Variants in GABRG3 observed in about 807,000 individuals in gnomAD.
GABRG3 encodes the protein gamma-aminobutyric acid receptor subunit gamma-3.
In GABRG3, 25 loss-of-function variants were observed where a neutral mutation model predicts 48.8. The observed-to-expected ratio is 0.51, with a 90% CI of 0.37 to 0.72. The LOEUF is 0.72. GABRG3 is among the 30% of genes least tolerant of loss of function. The probability of loss-of-function intolerance (pLI) is 0.00; values close to 1 mark genes in which losing one functional copy is unlikely to be tolerated. For synonymous variants in GABRG3, 227 were observed against 217.6 expected, an observed-to-expected ratio of 1.04 and a Z score of -0.38; for missense variants, 394 against 577.9, an observed-to-expected ratio of 0.68 and a Z score of 3.26.
rs745566650 is a variant in GABRG3, at chr15:27,034,844, C to T, written c.270+8023C>T. On this transcript the variant is annotated intron_variant, in intron 3 of 9. Coordinates refer to ENST00000615808, the MANE Select transcript of GABRG3 (RefSeq NM_033223.5). ...CTGCTAGTCTGTTTTTGTGTGTGAACACATCCTGCTCTACATGCCTGTACA... is the reference window on the plus strand; with the variant it reads ...CTGCTAGTCTGTTTTTGTGTGTGAATACATCCTGCTCTACATGCCTGTACA... Among the ~76,000 whole-genome samples, 59 of 152,216 alleles carry T rather than the reference C, an allele frequency of 3.9e-4. 1 individual carries two copies. Among genetic ancestry groups the T allele is most frequent in the Non-Finnish European group, 1.5e-4 (10 of 68,042 alleles).
intron 8 of GABRG3, 61 bp from the exon 9 acceptor site, chr15:27,527,872 G>T: frequency 7.4e-7 from 1 of 1,353,736 alleles, no homozygotes; most frequent in African/African-American, 1.4e-5. Flanking sequence ...GCTCTTAAGA[G>T]TGATCTTGGA....
chr15:27,329,450 AG>A (rs1893732205), intron 5 of GABRG3, among the ~76,000 whole-genome samples: 1 of 152,024 alleles, frequency 6.6e-6, no homozygotes, highest in African/African-American at 2.4e-5. Flanking sequence ...TTTTTAGTAG[AG>A]ACAGGGTTTC....
intron 5 of GABRG3, among the ~76,000 whole-genome samples, chr15:27,344,945 A>C (rs1894316404): frequency 6.6e-6 from 1 of 152,158 alleles, no homozygotes; most frequent in South Asian, 2.1e-4. Context: ...TTATTGTGTA[A>C]GGCCACTATC....
intron 2 of GABRG3, among the ~76,000 whole-genome samples, chr15:26,991,241 T>A (rs1193854441): frequency 1.3e-5 from 2 of 152,210 alleles, no homozygotes; most frequent in Non-Finnish European, 2.9e-5. Context: ...GTGTATGGAT[T>A]TGTTTCCAGG....
rs1895374935 is a variant in GABRG3, at chr15:26,998,151, C to T, written c.202+21001C>T. ...ATTCCAGGAGAGCTTTTTGTGATTGCTTCTTTCTCTGGTTCTGTCTGTTAA... is the reference window on the plus strand; with the variant it reads ...ATTCCAGGAGAGCTTTTTGTGATTGTTTCTTTCTCTGGTTCTGTCTGTTAA... On this transcript the variant is annotated intron_variant, in intron 2 of 9. Coordinates refer to ENST00000615808, the MANE Select transcript of GABRG3 (RefSeq NM_033223.5). Among the ~76,000 whole-genome samples, 3 of 152,150 alleles carry T rather than the reference C, an allele frequency of 2.0e-5. No individual in the cohort carries two copies. The South Asian group carries it at 6.2e-4, about 32-fold the overall frequency.
At chr15:27,049,038 A>G (rs904717592) in intron 3 of GABRG3, among the ~76,000 whole-genome samples, 8 of 152,352 alleles carry the variant, frequency 5.3e-5, no homozygotes, top group Admixed American at 1.3e-4. Context: ...CTCGGACACT[A>G]GAGAAAGATG....
chr15:27,223,715 C>G (rs931177068), intron 3 of GABRG3, among the ~76,000 whole-genome samples: 1 of 152,066 alleles, frequency 6.6e-6, no homozygotes, highest in Admixed American at 6.6e-5. Context: ...AGTACCTTGT[C>G]CCCCGTGCCA....
rs901444249 is a variant in GABRG3 at position 27,319,676 on chromosome 15, G to A, written c.271-7133G>A. On this transcript the variant is annotated intron_variant, in intron 3 of 9. Transcript: ENST00000615808. This position sits in a 1 kb window ranked among gnomAD's most constrained non-coding sequence, Gnocchi z 4.4. ...GGCGTGGGCAGAGCACAAATGGGATGGGGAGGAAGGGAGGTCTGTGCCGGG... is the reference window on the plus strand; with the variant it reads ...GGCGTGGGCAGAGCACAAATGGGATAGGGAGGAAGGGAGGTCTGTGCCGGG... Among the ~76,000 whole-genome samples the A allele has an allele frequency of 6.6e-6, 1 of 152,120 alleles. No homozygotes were observed. The highest frequency in any genetic ancestry group is 2.4e-5 in the African/African-American group (1 of 41,416).
chr15:27,094,962 T>C (rs1897247609), intron 3 of GABRG3, among the ~76,000 whole-genome samples: 1 of 152,126 alleles, frequency 6.6e-6, no homozygotes, highest in African/African-American at 2.4e-5. Context: ...ACAAGACACA[T>C]AATTATCTGT....
chr15:27,252,697 C>T (rs114396835), intron 3 of GABRG3, among the ~76,000 whole-genome samples: 2,771 of 152,314 alleles, frequency 0.018, 79 homozygotes, highest in African/African-American at 0.064. Flanking sequence ...GCACCTCCCA[C>T]CTGCAGGTCT....
At chr15:27,323,985 G>A (rs193125424) in intron 3 of GABRG3, among the ~76,000 whole-genome samples, 37 of 152,276 alleles carry the variant, frequency 2.4e-4, no homozygotes, top group Middle Eastern at 3.4e-3. Context: ...TCACTTCATC[G>A]TGAGTGATGT....
chr15:27,225,582 T>C (rs565846552), intron 3 of GABRG3, among the ~76,000 whole-genome samples: 26 of 152,264 alleles, frequency 1.7e-4, no homozygotes, highest in Admixed American at 1.4e-3. Context: ...ATTCCCTCTA[T>C]GCTTCCCACC....
Position 27,218,613 on chromosome 15 carries a change from G to A in GABRG3, c.271-108196G>A, listed in dbSNP as rs115954114. Among the ~76,000 whole-genome samples the A allele has an allele frequency of 4.7e-3, 712 of 152,246 alleles. 6 individuals carry two copies. Among genetic ancestry groups the A allele is most frequent in the African/African-American group, 0.015 (638 of 41,542 alleles). On this transcript the variant is annotated intron_variant, in intron 3 of 9. Coordinates refer to ENST00000615808, the MANE Select transcript of GABRG3 (RefSeq NM_033223.5). ...CATCTGTCTGACTCAGTTGAGTGTG[G>A]TGTCCTGGCTGGATGCCTCCTGTCC...
intron 3 of GABRG3, among the ~76,000 whole-genome samples, chr15:27,046,663 C>T (rs1896371004): frequency 6.6e-6 from 1 of 152,202 alleles, no homozygotes; most frequent in African/African-American, 2.4e-5. Context: ...TCATTAAACT[C>T]CAGTTTCAAA....
rs535295684 is a variant in GABRG3, at chr15:27,348,155, C to CAAAAAAAAAAAAAAAAAAAA, written c.574+19270_574+19271insAAAAAAAAAAAAAAAAAAAA. 2.7e-3 allele frequency among the ~76,000 whole-genome samples: 278 copies of CAAAAAAAAAAAAAAAAAAAA among 102,920 alleles called. 52 individuals are homozygous for CAAAAAAAAAAAAAAAAAAAA. The highest frequency in any genetic ancestry group is 0.012 in the African/African-American group (262 of 21,904). 67.5% of individuals were successfully genotyped at this position (102,920 alleles called of 152,430 possible). On this transcript the variant is annotated intron_variant, in intron 5 of 9. Transcript: ENST00000615808. ...TGGGTGACAGAGCGAGACTCCATCT[C>CAAAAAAAAAAAAAAAAAAAA]AAATAAATAAAGAGTTGGAGATTTT...
At chr15:27,130,097 G>A (rs578212137) in intron 3 of GABRG3, among the ~76,000 whole-genome samples, 1 of 152,098 alleles carries the variant, frequency 6.6e-6, no homozygotes, top group East Asian at 1.9e-4. Flanking sequence ...TGTTGCTTGT[G>A]TTCTTGTGTC....
rs776977040 is a variant in GABRG3 at position 27,270,954 on chromosome 15, C to A, written c.271-55855C>A. ...TATAAGGGGAATGGATTAACTCAGG[C>A]CATTCTTTGGGGGAATGGGTGGCCA... On this transcript the variant is annotated intron_variant, in intron 3 of 9. Coordinates refer to ENST00000615808, the MANE Select transcript of GABRG3 (RefSeq NM_033223.5). 2.6e-4 allele frequency among the ~76,000 whole-genome samples: 40 copies of A among 152,274 alleles called. No individual in the cohort carries two copies. In the Middle Eastern group the frequency reaches 0.01, roughly 39 times the overall value.
At chr15:27,185,606 G>A (rs796098320) in intron 3 of GABRG3, among the ~76,000 whole-genome samples, 1 of 152,078 alleles carries the variant, frequency 6.6e-6, no homozygotes, top group African/African-American at 2.4e-5. Context: ...CTGTCTAATG[G>A]TTCTGTCAGT....
At position 27,208,407 on chromosome 15, in the gene GABRG3, A is replaced by T. The variant is rs181106590; in HGVS notation, c.271-118402A>T. 524 of 220,338 alleles carry T rather than the reference A, an allele frequency of 2.4e-3. 2 individuals carry two copies. Among genetic ancestry groups the T allele is most frequent in the African/African-American group, 0.011 (478 of 43,318 alleles). The allele number at this position is 220,338 out of a possible 1,614,324, so 13.6% of individuals were successfully genotyped here. ...AGGTAGGTGATGCCAGAGTCCTTGG[A>T]GAAGTTGGCATTGTTTATGTGCATG... On this transcript the variant is annotated intron_variant, in intron 3 of 9. Transcript: ENST00000615808.
Sources: gnomAD v4.1 joint callset for allele counts (sites outside exome capture counted in the v4.1 genomes callset) on GRCh38, gnomAD v4.1.1 for gene constraint, Gnocchi (gnomAD v3.1) non-coding constraint, MANE v1.5 for transcripts, NCBI Gene and HGNC (gene_info 2026-07-23, HGNC 2026-07-21) for gene names.